TC2N: variants seen among roughly 807,000 people sequenced by gnomAD.
TC2N encodes the protein tandem C2 domains nuclear protein.
In TC2N, 51 loss-of-function variants were observed where a neutral mutation model predicts 61.9. The observed-to-expected ratio is 0.82, with a 90% CI of 0.66 to 1.04. The LOEUF is 1.04. Among genes scored for constraint, TC2N ranks in the 50% least tolerant of loss-of-function variants. The probability of loss-of-function intolerance (pLI) is 0.00; values close to 1 mark genes in which losing one functional copy is unlikely to be tolerated. For synonymous variants in TC2N, 204 were observed against 192.6 expected, an observed-to-expected ratio of 1.06 and a Z score of -0.49; for missense variants, 556 against 566.7, an observed-to-expected ratio of 0.98 and a Z score of 0.19.
chr14:91,812,973 G>C (rs1886848848), intron 2 of TC2N, among the ~76,000 whole-genome samples: 1 of 151,724 alleles, frequency 6.6e-6, no homozygotes, highest in Non-Finnish European at 1.5e-5. Context: ...AATCATATGT[G>C]ATTCCTAAGC....
At chr14:91,822,817 C>T (rs1251301975) in intron 1 of TC2N, among the ~76,000 whole-genome samples, 2 of 151,398 alleles carry the variant, frequency 1.3e-5, no homozygotes, top group East Asian at 1.9e-4. Context: ...TGGGTTCACG[C>T]CATTCTCCTG....
rs1411129708 is a variant in TC2N, at chr14:91,792,571, AC to A, written c.856-14del. ...TAAATTCAATAGCCTTAAAAAAAAA[AC>A]AAGAAAACATAAAATATATAAATAA... On this transcript the variant is annotated splice_polypyrimidine_tract_variant and intron_variant, in intron 8 of 11. Coordinates refer to ENST00000435962, the MANE Select transcript of TC2N (RefSeq NM_001128596.3). 1.3e-5 allele frequency: 17 copies of A among 1,347,898 alleles called. No individual in the cohort carries two copies. Among genetic ancestry groups the A allele is most frequent in the Non-Finnish European group, 1.5e-5 (15 of 986,220 alleles). The allele number at this position is 1,347,898 out of a possible 1,614,324, so 83.5% of individuals were successfully genotyped here.
chr14:91,820,703 TAA>T (rs562900141), intron 1 of TC2N, among the ~76,000 whole-genome samples: 1 of 147,606 alleles, frequency 6.8e-6, no homozygotes, highest in Non-Finnish European at 1.5e-5. Context: ...ATCTTGTAAA[TAA>T]AAAAAAAAAA....
intron 3 of TC2N, among the ~76,000 whole-genome samples, chr14:91,810,997 T>C (rs1169834061): frequency 2.6e-5 from 4 of 152,130 alleles, no homozygotes; most frequent in Non-Finnish European, 5.9e-5. Flanking sequence ...TAGATCTTGA[T>C]AGAGATTTGG....
rs777331799 is a variant in TC2N at position 91,797,876 on chromosome 14, C to T, written c.764G>A (p.Ser255Asn). Residue 255 changes from serine (S) to asparagine (N), a missense_variant, in exon 8 of 12, where the codon AGT becomes AAT. Ser to Asn is a conservative substitution (Grantham distance 46). Coordinates refer to ENST00000435962, the MANE Select transcript of TC2N (RefSeq NM_001128596.3). ...LQCRDLSWPS[S>N]YGDTPTVSIK... The stretch of plus-strand genomic sequence containing the variant: ...AGAAACAGTAGGAGTGTCTCCATAA[C>T]TAGAGGGCCAACTTAAATCTCTGCA... 1.2e-6 allele frequency: 2 copies of T among 1,604,692 alleles called. No individual in the cohort carries two copies. Among genetic ancestry groups the T allele is most frequent in the Non-Finnish European group, 8.5e-7 (1 of 1,174,440 alleles).
At chr14:91,811,167 GAT>G (rs1212140680) in intron 3 of TC2N, among the ~76,000 whole-genome samples, 1 of 152,046 alleles carries the variant, frequency 6.6e-6, no homozygotes, top group Admixed American at 6.6e-5. Flanking sequence ...CCCAGTAAAT[GAT>G]ATATATGTTT....
intron 1 of TC2N, among the ~76,000 whole-genome samples, chr14:91,844,085 T>C (rs1433256387): frequency 6.6e-6 from 1 of 152,164 alleles, no homozygotes; most frequent in East Asian, 1.9e-4. Context: ...TCCAGCACAG[T>C]TGGGCGGCAG....
intron 4 of TC2N, among the ~76,000 whole-genome samples, chr14:91,800,980 A>T (rs952355722): frequency 6.6e-6 from 1 of 151,486 alleles, no homozygotes; most frequent in African/African-American, 2.4e-5. Context: ...ATACATATAT[A>T]CATATATATA....
chr14:91,836,355 G>A (rs1325662739), intron 1 of TC2N: 1 of 152,006 alleles, frequency 6.6e-6, no homozygotes, highest in Non-Finnish European at 1.5e-5. Flanking sequence ...GGCGCCGCGC[G>A]GCCGCGGCCG....
intron 3 of TC2N, among the ~76,000 whole-genome samples, chr14:91,810,803 A>T (rs1886727941): frequency 6.6e-6 from 1 of 152,052 alleles, no homozygotes; most frequent in Non-Finnish European, 1.5e-5. Flanking sequence ...ATAACAGACG[A>T]GACAGTGAAC....
rs1313684631 is a variant in TC2N at position 91,797,797 on chromosome 14, C to T, written c.843G>A (p.Lys281=). Residue 281 remains lysine (K), a synonymous_variant, in exon 8 of 12, where the codon AAG becomes AAA. Transcript: ENST00000435962. The stretch of plus-strand genomic sequence containing the variant: ...AACAGCCACTTACGTTGGAACCTTC[C>T]TTGGCTGAAGATTTGAAATGCACTG... ...PKPVHFKSSA[K]EGSNAIEFME... 1 of 1,597,198 alleles carries T rather than the reference C, an allele frequency of 6.3e-7. No individual in the cohort carries two copies. The highest frequency in any genetic ancestry group is 1.4e-5 in the African/African-American group (1 of 73,856).
chr14:91,820,973 T>C (rs1435131030), intron 1 of TC2N, among the ~76,000 whole-genome samples: 1 of 152,034 alleles, frequency 6.6e-6, no homozygotes, highest in African/African-American at 2.4e-5. Flanking sequence ...CTTGTGAAGA[T>C]ATCCCATGTT....
chr14:91,864,903 T>C (rs143672924), intron 1 of TC2N, among the ~76,000 whole-genome samples: 41 of 151,178 alleles, frequency 2.7e-4, no homozygotes, highest in Non-Finnish European at 4.9e-4. Flanking sequence ...TGCCTCAGTC[T>C]CTGAGTAGCT....
At chr14:91,797,736 TAA>T (rs71120197) in intron 8 of TC2N, 47 bp downstream of exon 8, 33,496 of 858,492 alleles carry the variant, frequency 0.039, no homozygotes, top group Non-Finnish European at 0.043. Context: ...GTGACAAATA[TAA>T]AAAAAAAAAA....
chr14:91,829,376 T>C (rs895083139), intron 1 of TC2N, among the ~76,000 whole-genome samples: 11 of 152,154 alleles, frequency 7.2e-5, no homozygotes, highest in Admixed American at 1.3e-4. Context: ...ATATTTTCCA[T>C]TTCTGTCTCT....
At chr14:91,800,130 A>G (rs1176543484) in intron 5 of TC2N, 151 bp downstream of exon 5, 2 of 455,498 alleles carry the variant, frequency 4.4e-6, no homozygotes, top group Non-Finnish European at 7.8e-6. Context: ...AATAATATAC[A>G]TGGGAAATAT....
intron 4 of TC2N, 152 bp from the exon 5 acceptor site, chr14:91,800,524 TA>T (rs1173144866): frequency 2.4e-6 from 1 of 421,462 alleles, no homozygotes; most frequent in Non-Finnish European, 4.2e-6. Flanking sequence ...TTTTTAAACT[TA>T]AAAAAATTTT....
At chr14:91,865,368 G>GT (rs1566793294) in intron 1 of TC2N, among the ~76,000 whole-genome samples, 2 of 123,436 alleles carry the variant, frequency 1.6e-5, no homozygotes, top group African/African-American at 7.1e-5. Flanking sequence ...GGAGCCTCTT[G>GT]GTTTTTTTTT....
intron 9 of TC2N, among the ~76,000 whole-genome samples, chr14:91,791,371 T>C (rs894661844): frequency 1.3e-5 from 2 of 152,172 alleles, no homozygotes; most frequent in Non-Finnish European, 2.9e-5. Flanking sequence ...ACCTTAAATA[T>C]TTTTGGAAAC....
Sources: allele counts gnomAD v4.1 joint callset (sites outside exome capture counted in the v4.1 genomes callset), GRCh38; gene constraint gnomAD v4.1.1; transcripts MANE v1.5; gene names NCBI Gene and HGNC (gene_info 2026-07-23, HGNC 2026-07-21).